Variants in HTT observed in about 807,000 individuals in gnomAD.
HTT encodes the protein huntingtin.
In HTT, 104 loss-of-function variants were observed where a neutral mutation model predicts 362.3. That is an observed-to-expected ratio of 0.29 (90% confidence interval 0.24 to 0.34). HTT has a LOEUF of 0.34. HTT is among the 10% of genes least tolerant of loss of function. The pLI is 1.00. For missense variants in HTT, 3,301 were observed against 3,928.6 expected, an observed-to-expected ratio of 0.84 and a Z score of 4.27; for synonymous variants, 1,577 against 1,548.7, an observed-to-expected ratio of 1.02 and a Z score of -0.43.
At chr4:3,151,054 CA>C (rs763028911) in intron 26 of HTT, among the ~76,000 whole-genome samples, 11,856 of 134,270 alleles carry the variant, frequency 0.088, 622 homozygotes, top group African/African-American at 0.16. Context: ...CAAAACAAAA[CA>C]AAAAAAAAAA....
At chr4:3,104,388 C>T (rs1019727314) in intron 4 of HTT, among the ~76,000 whole-genome samples, 1 of 151,618 alleles carries the variant, frequency 6.6e-6, no homozygotes, top group African/African-American at 2.4e-5. Context: ...GGCAGGTGAT[C>T]ACCTGAGATC....
chr4:3,230,092 A>G (rs1478509963), intron 60 of HTT, 50 bp downstream of exon 60: 1 of 1,541,482 alleles, frequency 6.5e-7, no homozygotes, highest in South Asian at 1.1e-5. Flanking sequence ...ACGGGGGCCC[A>G]TCTGCCTTGG....
intron 33 of HTT, among the ~76,000 whole-genome samples, chr4:3,176,322 C>T (rs1037555105): frequency 6.6e-6 from 1 of 152,186 alleles, no homozygotes; most frequent in African/African-American, 2.4e-5. Context: ...CCACCGCGCC[C>T]GGCCTGGGGT....
In HTT at chr4:3,222,457, C is replaced by T. The variant is rs776796688; in HGVS notation, c.7440C>T (p.Leu2480=). The part of the protein sequence containing the change: ...TLLGVLVTQP[L]VMEQEESPPE... ...TTGGTGTCCTGGTGACGCAGCCCCT[C>T]GTGATGGAGCAGGAGGAGAGCCCAC... is the stretch of plus-strand genomic sequence containing the variant. Residue 2480 remains leucine, a synonymous_variant, in exon 54 of 67, where the codon CTC becomes CTT. Coordinates refer to ENST00000355072, the MANE Select transcript of HTT (RefSeq NM_001388492.1). The T allele has an allele frequency of 8.1e-6, 13 of 1,614,020 alleles. No individual in the cohort carries two copies. The highest frequency in any genetic ancestry group is 2.2e-5 in the East Asian group (1 of 44,892).
chr4:3,131,466 G>A, intron 15 of HTT, 69 bp downstream of exon 15: 1 of 1,476,850 alleles, frequency 6.8e-7, no homozygotes. Context: ...TTGGTGGCCT[G>A]TTTTTGCCTT....
chr4:3,223,687 G>A (rs1393862703), intron 55 of HTT, 127 bp downstream of exon 55: 20 of 892,920 alleles, frequency 2.2e-5, no homozygotes, highest in South Asian at 3.5e-5. Context: ...AACACCGTCC[G>A]TGTGGCCTGT....
chr4:3,135,897 T>G lies in HTT; in HGVS notation c.2634-7T>G, dbSNP rs1241036313. 1 of 1,595,608 alleles carries G rather than the reference T, an allele frequency of 6.3e-7. No individual in the cohort carries two copies. The highest frequency in any genetic ancestry group is 1.8e-5 in the Admixed American group (1 of 55,122). ...TGATTTCATTGTTAAATGTGCTCTTTTGTTAGGCTGGTGAGCTTTTTGGAG... is the reference window on the plus strand; with the variant it reads ...TGATTTCATTGTTAAATGTGCTCTTGTGTTAGGCTGGTGAGCTTTTTGGAG... On this transcript the variant is annotated splice_polypyrimidine_tract_variant and splice_region_variant and intron_variant, in intron 19 of 66. Transcript: ENST00000355072.
chr4:3,174,255 G>A (rs1052309817), intron 31 of HTT, among the ~76,000 whole-genome samples: 1 of 152,068 alleles, frequency 6.6e-6, no homozygotes, highest in Non-Finnish European at 1.5e-5. Flanking sequence ...TAACCATTTG[G>A]GGTATTAATA....
At chr4:3,232,350 C>T (rs1184867320) in intron 60 of HTT, among the ~76,000 whole-genome samples, 1 of 152,224 alleles carries the variant, frequency 6.6e-6, no homozygotes, top group East Asian at 1.9e-4. Flanking sequence ...CCTGGCCATC[C>T]AGCGCTCCAT....
intron 29 of HTT, among the ~76,000 whole-genome samples, chr4:3,165,166 C>T (rs566113403): frequency 3.3e-5 from 5 of 152,288 alleles, no homozygotes; most frequent in African/African-American, 7.2e-5. Flanking sequence ...TTTTATTTCT[C>T]GTTCACTTAT....
intron 49 of HTT, among the ~76,000 whole-genome samples, chr4:3,213,628 G>A (rs1720263303): frequency 6.6e-6 from 1 of 152,232 alleles, no homozygotes; most frequent in Non-Finnish European, 1.5e-5. Context: ...ACAGAGGCAA[G>A]CCCTGGTGCT....
At chr4:3,236,524 TG>T (rs905309832) in intron 64 of HTT, among the ~76,000 whole-genome samples, 30 of 152,160 alleles carry the variant, frequency 2.0e-4, no homozygotes, top group African/African-American at 7.2e-4. Context: ...GGACAGTACC[TG>T]GCAGTTGGGG....
chr4:3,109,761 C>T (rs2110165994), intron 6 of HTT, among the ~76,000 whole-genome samples: 1 of 152,124 alleles, frequency 6.6e-6, no homozygotes, highest in East Asian at 1.9e-4. Context: ...AGGAGGAGGA[C>T]AGATGAAGTT....
intron 61 of HTT, 130 bp downstream of exon 61, chr4:3,233,483 G>A: frequency 1.1e-6 from 1 of 907,860 alleles, no homozygotes; most frequent in South Asian, 1.6e-5. Context: ...AACCCAGGTG[G>A]GTGCCATGGC....
At chr4:3,102,393 G>A (rs1714202334) in intron 3 of HTT, among the ~76,000 whole-genome samples, 2 of 152,236 alleles carry the variant, frequency 1.3e-5, no homozygotes, top group Admixed American at 6.5e-5. Flanking sequence ...CAAAACATTT[G>A]TAAAGCTAAA....
intron 8 of HTT, among the ~76,000 whole-genome samples, chr4:3,120,678 C>T (rs1156543948): frequency 6.6e-6 from 1 of 152,200 alleles, no homozygotes; most frequent in East Asian, 1.9e-4. Flanking sequence ...GAATCTAATG[C>T]CTGATGATCT....
Position 3,186,601 on chromosome 4 carries a change from A to C in HTT, c.4871A>C (p.His1624Pro). The C allele has an allele frequency of 1.2e-6, 2 of 1,613,254 alleles. No individual in the cohort carries two copies. The highest frequency in any genetic ancestry group is 1.7e-6 in the Non-Finnish European group (2 of 1,179,354). Residue 1624 changes from histidine (H) to proline (P), a missense_variant, in exon 38 of 67, where the codon CAC becomes CCC. His to Pro is a moderately conservative substitution (Grantham distance 77). This residue lies in a region of HTT where 2,316 missense variants were observed against 2,658.5 expected (regional missense o/e 0.87). Coordinates refer to ENST00000355072, the MANE Select transcript of HTT (RefSeq NM_001388492.1). ...ILPMLAKQQM[H>P]IDSHEALGVL... ...TTGTGGTGTCTAATTCCACAGATGC[A>C]CATTGACTCTCATGAAGCCCTTGGA... is the stretch of plus-strand genomic sequence containing the variant.
intron 41 of HTT, among the ~76,000 whole-genome samples, chr4:3,201,019 T>G (rs996428322): frequency 1.3e-5 from 2 of 152,206 alleles, no homozygotes; most frequent in African/African-American, 4.8e-5. Context: ...TCCCCTGAAT[T>G]GGAGTAACAG....
chr4:3,159,720 G>A (rs918018914), intron 28 of HTT, among the ~76,000 whole-genome samples: 3 of 152,150 alleles, frequency 2.0e-5, no homozygotes, highest in African/African-American at 4.8e-5. Flanking sequence ...AGTCAGTCTC[G>A]CCTTACCTTT....
Sources: gnomAD v4.1 joint callset for allele counts (sites outside exome capture counted in the v4.1 genomes callset) on GRCh38, gnomAD v4.1.1 for gene constraint, gnomAD v4.1.1 regional missense constraint, MANE v1.5 for transcripts, NCBI Gene and HGNC (gene_info 2026-07-23, HGNC 2026-07-21) for gene names.